The following GAS6 variants were observed in gnomAD, a reference collection of about 807,000 sequenced individuals.
The protein encoded by GAS6 is growth arrest specific 6, also known as growth arrest-specific protein 6.
In GAS6, 41 loss-of-function variants were observed where a neutral mutation model predicts 75.8. The ratio of observed to expected loss-of-function variants is 0.54; its 90% CI spans 0.42 to 0.70. GAS6 has a LOEUF of 0.70. Ranked by LOEUF, GAS6 falls within the 30% of genes least tolerant of loss-of-function variation. The pLI, the probability that GAS6 is intolerant of heterozygous loss-of-function variation, is 0.00. For synonymous variants in GAS6, 432 were observed against 412.6 expected (o/e 1.05, Z -0.57); for missense variants, 854 against 940.2 (o/e 0.91, Z 1.20).
intron 3 of GAS6, among the ~76,000 whole-genome samples, chr13:113,847,322 G>A (rs181867484): frequency 5.3e-5 from 8 of 152,244 alleles, no homozygotes; most frequent in Admixed American, 3.3e-4. Context: ...TATGGACCCA[G>A]GGAAGGACCC....
intron 10 of GAS6, 117 bp from the exon 11 acceptor site, chr13:113,828,828 C>G (rs1185399642): frequency 1.8e-6 from 2 of 1,119,232 alleles, no homozygotes; most frequent in Non-Finnish European, 2.5e-6. Flanking sequence ...CTCGGGGAGG[C>G]CACCTGATCC....
chr13:113,822,965 C>G (rs9604498), intron 13 of GAS6: 59,722 of 160,890 alleles, frequency 0.37, 13,370 homozygotes, highest in African/African-American at 0.61. Flanking sequence ...GTGTCCCCCA[C>G]GGAAAGACGC....
At chr13:113,857,647 A>G (rs1321555957) in intron 2 of GAS6, among the ~76,000 whole-genome samples, 2 of 152,238 alleles carry the variant, frequency 1.3e-5, no homozygotes, top group Non-Finnish European at 2.9e-5. Context: ...CCCAGCTAGC[A>G]AGCTTAACGC....
intron 8 of GAS6, 88 bp from the exon 9 acceptor site, chr13:113,832,840 A>G: frequency 6.3e-7 from 1 of 1,597,284 alleles, no homozygotes; most frequent in African/African-American, 1.3e-5. Flanking sequence ...CAGCGGGTCC[A>G]CTGTCCCTCC....
chr13:113,834,675 G>A lies in GAS6; in HGVS notation c.713-3C>T. The A allele has an allele frequency of 1.9e-6, 3 of 1,556,210 alleles. No homozygotes were observed. The highest frequency in any genetic ancestry group is 2.3e-5 in the East Asian group (1 of 42,756). The stretch of plus-strand genomic sequence containing the variant: ...GCCCTGCAGACACTCGTCCACATCT[G>A]CCAGCCAGAGGGAAGCGGCGGTGAG... On this transcript the variant is annotated splice_polypyrimidine_tract_variant and splice_region_variant and intron_variant, in intron 7 of 14. Transcript: ENST00000327773.
chr13:113,824,679 T>C (rs560435763), intron 12 of GAS6, among the ~76,000 whole-genome samples: 4 of 152,248 alleles, frequency 2.6e-5, no homozygotes, highest in African/African-American at 9.6e-5. Flanking sequence ...TCAGAGTGAA[T>C]TGTGCTGGTT....
intron 4 of GAS6, 149 bp downstream of exon 4, chr13:113,846,378 A>T (rs569022474): frequency 1.0e-5 from 6 of 592,534 alleles, no homozygotes; most frequent in Non-Finnish European, 1.8e-5. Context: ...TTTAAAAAAG[A>T]AAGTTTGGCG....
chr13:113,832,614 T>C lies in GAS6; in HGVS notation c.953+20A>G, dbSNP rs745915511. 2 of 1,612,540 alleles carry C rather than the reference T, an allele frequency of 1.2e-6. No homozygotes were observed. The highest frequency in any genetic ancestry group is 1.7e-6 in the Non-Finnish European group (2 of 1,179,822). ...CTTGGCCATTCTAAGTTGTGTTGCCTCCTGTGGACACCTCCTCACCTGGTG... is the reference window on the plus strand; with the variant it reads ...CTTGGCCATTCTAAGTTGTGTTGCCCCCTGTGGACACCTCCTCACCTGGTG... On this transcript the variant is annotated intron_variant, in intron 9 of 14. Coordinates refer to ENST00000327773, the MANE Select transcript of GAS6 (RefSeq NM_000820.4).
intron 3 of GAS6, 56 bp downstream of exon 3, chr13:113,847,970 C>T (rs377240889): frequency 1.4e-5 from 21 of 1,508,848 alleles, no homozygotes; most frequent in African/African-American, 8.3e-5. Context: ...ACATGAAACA[C>T]GCACCCCCAA....
rs2051558443 is a variant in GAS6, at chr13:113,826,990, A to G, written c.1477+6T>C. On this transcript the variant is annotated splice_donor_region_variant and intron_variant, in intron 12 of 14. Transcript: ENST00000327773. ...AGCCACCCCAACGGTAAGAGCCAAG[A>G]CTTACTGTAGTCCAGGCTGTAGAAG... The G allele has an allele frequency of 3.1e-6, 5 of 1,612,064 alleles. No individual in the cohort carries two copies. The highest frequency in any genetic ancestry group is 4.2e-6 in the Non-Finnish European group (5 of 1,179,520).
chr13:113,821,558 C>G, intron 14 of GAS6: 1 of 250,204 alleles, frequency 4.0e-6, no homozygotes, highest in Non-Finnish European at 7.7e-6. Flanking sequence ...CCCTGCTGGA[C>G]ATGGGAGGGG....
intron 12 of GAS6, among the ~76,000 whole-genome samples, chr13:113,826,126 G>A (rs533630219): frequency 1.2e-4 from 19 of 152,314 alleles, no homozygotes; most frequent in African/African-American, 4.3e-4. Flanking sequence ...CACTGGGGAG[G>A]GCGGCAGCGT....
chr13:113,859,602 ATG>A (rs1566376997), intron 2 of GAS6, among the ~76,000 whole-genome samples: 4 of 151,576 alleles, frequency 2.6e-5, no homozygotes, highest in Admixed American at 2.6e-4. Flanking sequence ...GTCTGTTAGT[ATG>A]TGTGTGCCTG....
intron 2 of GAS6, among the ~76,000 whole-genome samples, chr13:113,853,264 T>C (rs1416079840): frequency 2.6e-5 from 4 of 152,206 alleles, no homozygotes; most frequent in Non-Finnish European, 5.9e-5. Context: ...CCTTCATCTC[T>C]GAATACACTT....
At chr13:113,847,904 C>T in intron 3 of GAS6, 122 bp downstream of exon 3, 1 of 899,018 alleles carries the variant, frequency 1.1e-6, no homozygotes, top group East Asian at 2.4e-5. Flanking sequence ...GTTCCACGTG[C>T]ACCATGTGAT....
At chr13:113,835,468 A>G (rs1184931847) in intron 7 of GAS6, 45 bp downstream of exon 7, 1 of 1,602,084 alleles carries the variant, frequency 6.2e-7, no homozygotes, top group Admixed American at 1.7e-5. Flanking sequence ...CCGTGTCTAG[A>G]CTTGGGCGTC....
chr13:113,848,190 G>T lies in GAS6; in HGVS notation c.256-140C>A. 1 of 832,478 alleles carries T rather than the reference G, an allele frequency of 1.2e-6. No individual in the cohort carries two copies. The highest frequency in any genetic ancestry group is 2.0e-6 in the Non-Finnish European group (1 of 510,096). 51.6% of individuals were successfully genotyped at this position (832,478 alleles called of 1,614,324 possible). A position where few individuals can be genotyped will look rare whatever the true frequency, so the allele number is the denominator to read the frequency against. ...GCCCCACCCGGGGAACTGAGGGGAA[G>T]TGACCGGGGCACGACTGCTGTGAGA... is the stretch of plus-strand genomic sequence containing the variant. On this transcript the variant is annotated intron_variant, in intron 2 of 14. Coordinates refer to ENST00000327773, the MANE Select transcript of GAS6 (RefSeq NM_000820.4). This position sits in a 1 kb window ranked among gnomAD's most constrained non-coding sequence, Gnocchi z 4.8.
chr13:113,824,708 G>C (rs1259601045), intron 12 of GAS6, among the ~76,000 whole-genome samples: 1 of 152,128 alleles, frequency 6.6e-6, no homozygotes, highest in African/African-American at 2.4e-5. Context: ...TCTTTCCCAC[G>C]GGGCTGTGTA....
rs1165832568 is a variant in GAS6 at position 113,837,014 on chromosome 13, C to A, written c.589+1055G>T. Among the ~76,000 whole-genome samples, 1 of 151,672 alleles carries A rather than the reference C, an allele frequency of 6.6e-6. No homozygotes were observed. Among genetic ancestry groups the A allele is most frequent in the Non-Finnish European group, 1.5e-5 (1 of 67,892 alleles). ...CCTAGACTTTGCCGGGAGTGCCCGA[C>A]TGGTGCAGGGACCCACGGGAGATGC... is the stretch of plus-strand genomic sequence containing the variant. On this transcript the variant is annotated intron_variant, in intron 6 of 14. Transcript: ENST00000327773. The surrounding 1 kb of genome is among the most constrained non-coding windows in gnomAD (Gnocchi z 5.1).
Sources: gnomAD v4.1 joint callset for allele counts (sites outside exome capture counted in the v4.1 genomes callset) on GRCh38, gnomAD v4.1.1 for gene constraint, Gnocchi (gnomAD v3.1) non-coding constraint, MANE v1.5 for transcripts, NCBI Gene and HGNC (gene_info 2026-07-23, HGNC 2026-07-21) for gene names.